Variants in KCNQ2 observed in about 807,000 individuals in gnomAD.
The protein encoded by KCNQ2 is potassium voltage-gated channel subfamily KQT member 2.
KCNQ2 carries 14 observed loss-of-function variants against 84.8 expected under a neutral mutation model. That is an observed-to-expected ratio of 0.17 (90% CI 0.11 to 0.26). KCNQ2 has a LOEUF of 0.26. Among genes scored for constraint, KCNQ2 ranks in the 10% least tolerant of loss-of-function variants. KCNQ2 has a pLI of 1.00. For synonymous variants in KCNQ2, 599 were observed against 554.1 expected, an observed-to-expected ratio of 1.08 and a Z score of -1.14; for missense variants, 788 against 1,254.0, an observed-to-expected ratio of 0.63 and a Z score of 5.61.
intron 11 of KCNQ2, among the ~76,000 whole-genome samples, chr20:63,419,932 T>C (rs1483050474): frequency 6.6e-6 from 1 of 152,212 alleles, no homozygotes; most frequent in Non-Finnish European, 1.5e-5. Flanking sequence ...AGCCACAGTT[T>C]GGGTTCATGT....
At chr20:63,451,274 C>T (rs2081608782) in intron 1 of KCNQ2, among the ~76,000 whole-genome samples, 1 of 152,170 alleles carries the variant, frequency 6.6e-6, no homozygotes, top group South Asian at 2.1e-4. Context: ...CTCACAGTCA[C>T]CTGCAGCAGC....
chr20:63,432,942 C>T (rs534845590), intron 8 of KCNQ2, among the ~76,000 whole-genome samples: 4 of 152,228 alleles, frequency 2.6e-5, no homozygotes, highest in Non-Finnish European at 4.4e-5. Flanking sequence ...GAGCAGGTGA[C>T]GGGGGGCGCG....
chr20:63,439,160 G>GCTGCCCTGCC (rs971546461), intron 6 of KCNQ2, among the ~76,000 whole-genome samples: 14 of 152,314 alleles, frequency 9.2e-5, no homozygotes, highest in African/African-American at 3.4e-4. Context: ...CCGTGCACCA[G>GCTGCCCTGCC]CTGCCCTGCC....
At chr20:63,468,910 ACCTTCCTCTGCCTCAGTTTCCCCAT>A (rs1406582010) in intron 1 of KCNQ2, among the ~76,000 whole-genome samples, 1 of 152,194 alleles carries the variant, frequency 6.6e-6, no homozygotes, top group African/African-American at 2.4e-5. Flanking sequence ...AGCTCACTCA[ACCTTCCTCTGCCTCAGTTTCCCCAT>A]CCACAGGAAC....
chr20:63,420,970 G>A (rs1003882546), intron 11 of KCNQ2, among the ~76,000 whole-genome samples: 1 of 152,060 alleles, frequency 6.6e-6, no homozygotes, highest in African/African-American at 2.4e-5. Flanking sequence ...AGTCTCTCCC[G>A]CTGTGACCAC....
rs189660780 is a variant in KCNQ2, at chr20:63,400,706, G to A, written c.*5938C>T. 934 of 398,594 alleles carry A rather than the reference G, an allele frequency of 2.3e-3. 6 individuals are homozygous for A. Among genetic ancestry groups the A allele is most frequent in the African/African-American group, 0.018 (871 of 48,758 alleles). 24.7% of individuals were successfully genotyped at this position (398,594 alleles called of 1,614,324 possible). A position where few individuals can be genotyped will look rare whatever the true frequency, so the allele number is the denominator to read the frequency against. On this transcript the variant is annotated 3_prime_UTR_variant, in exon 17 of 17. Transcript: ENST00000359125. This position sits in a 1 kb window ranked among gnomAD's most constrained non-coding sequence, Gnocchi z 8.7. ...GCAGACTGCAATGGCGTGGGGCGCGGGCATGGCGGGCACACGTGGGCCGTG... is the reference window on the plus strand; with the variant it reads ...GCAGACTGCAATGGCGTGGGGCGCGAGCATGGCGGGCACACGTGGGCCGTG...
rs555496347 is a variant in KCNQ2, at chr20:63,445,037, G to A, written c.514+201C>T. ...TGGGGCCCAGGATGGGCAGCCCAGC[G>A]CCACATTCCTCTTCCTGACATTTAG... On this transcript the variant is annotated intron_variant, in intron 3 of 16. Transcript: ENST00000359125. 1.5e-4 allele frequency among the ~76,000 whole-genome samples: 23 copies of A among 152,320 alleles called. No individual in the cohort carries two copies. In the East Asian group the frequency reaches 2.3e-3, roughly 15 times the overall value.
At chr20:63,457,377 C>T (rs1292845692) in intron 1 of KCNQ2, among the ~76,000 whole-genome samples, 1 of 152,254 alleles carries the variant, frequency 6.6e-6, no homozygotes, top group African/African-American at 2.4e-5. Context: ...CTCCCAAACA[C>T]TGGGTGCTCA....
intron 11 of KCNQ2, among the ~76,000 whole-genome samples, chr20:63,420,193 C>A (rs1474527566): frequency 6.6e-6 from 1 of 152,252 alleles, no homozygotes; most frequent in African/African-American, 2.4e-5. Context: ...GTGGCTGCCA[C>A]TGCAGGCATG....
At chr20:63,454,282 C>G (rs2081706954) in intron 1 of KCNQ2, among the ~76,000 whole-genome samples, 1 of 152,230 alleles carries the variant, frequency 6.6e-6, no homozygotes. Flanking sequence ...CCGCCGCTGC[C>G]CCTCCTGCCA....
chr20:63,429,591 C>T (rs545175528), intron 9 of KCNQ2, among the ~76,000 whole-genome samples: 1 of 152,346 alleles, frequency 6.6e-6, no homozygotes, highest in East Asian at 1.9e-4. Context: ...CCTCTGCCCA[C>T]CCAGGCTTAC....
At chr20:63,442,674 C>CAT (rs2081206901) in intron 4 of KCNQ2, 143 bp from the exon 5 acceptor site, 1 of 522,882 alleles carries the variant, frequency 1.9e-6, no homozygotes, top group Non-Finnish European at 3.2e-6. Context: ...ACCACCACCA[C>CAT]CACCACCACC....
intron 1 of KCNQ2, among the ~76,000 whole-genome samples, chr20:63,468,314 CAG>C (rs1313706311): frequency 6.6e-6 from 1 of 152,194 alleles, no homozygotes; most frequent in Non-Finnish European, 1.5e-5. Flanking sequence ...GCTCCGTCAG[CAG>C]AGACTGGACC....
At position 63,425,740 on chromosome 20, in the gene KCNQ2, C is replaced by T. The variant is rs1424713657; in HGVS notation, c.1218-1534G>A. On this transcript the variant is annotated intron_variant, in intron 10 of 16. Coordinates refer to ENST00000359125, the MANE Select transcript of KCNQ2 (RefSeq NM_172107.4). The surrounding 1 kb of genome is among the most constrained non-coding windows in gnomAD (Gnocchi z 5.5). Reference sequence around the variant, plus strand: ...GTCTCAGAGAAAAAAAAAAGAAATCCCACCCATTCAAAACGTCCCAAATCC... The same window carrying T: ...GTCTCAGAGAAAAAAAAAAGAAATCTCACCCATTCAAAACGTCCCAAATCC... Among the ~76,000 whole-genome samples the T allele has an allele frequency of 6.6e-6, 1 of 152,016 alleles. No homozygotes were observed. Among genetic ancestry groups the T allele is most frequent in the Admixed American group, 6.6e-5 (1 of 15,240 alleles).
chr20:63,432,747 T>C (rs74483215), intron 8 of KCNQ2, among the ~76,000 whole-genome samples: 2,061 of 72,134 alleles, frequency 0.029, 11 homozygotes, highest in Non-Finnish European at 0.044. Flanking sequence ...CAGGGAAGGC[T>C]CCACCCACAG....
chr20:63,404,346 C>T lies in KCNQ2; in HGVS notation c.*2298G>A, dbSNP rs1416004582. ...GGAGGAAAGAACAGGTGGGGCCACACCTTGGGGGGGGAGGAAAGAGCAGGT... is the reference window on the plus strand; with the variant it reads ...GGAGGAAAGAACAGGTGGGGCCACATCTTGGGGGGGGAGGAAAGAGCAGGT... On this transcript the variant is annotated 3_prime_UTR_variant, in exon 17 of 17. Transcript: ENST00000359125. The T allele has an allele frequency of 7.0e-6, 1 of 143,722 alleles. No homozygotes were observed. The highest frequency in any genetic ancestry group is 1.5e-5 in the Non-Finnish European group (1 of 67,108). The allele number at this position is 143,722 out of a possible 1,614,324, so 8.9% of individuals were successfully genotyped here.
chr20:63,430,623 G>A lies in KCNQ2; in HGVS notation c.1148+717C>T, dbSNP rs1347016132. Among the ~76,000 whole-genome samples, 4 of 152,372 alleles carry A rather than the reference G, an allele frequency of 2.6e-5. No individual in the cohort carries two copies. In the South Asian group the frequency reaches 6.2e-4, roughly 24 times the overall value. On this transcript the variant is annotated intron_variant, in intron 9 of 16. Transcript: ENST00000359125. ...CCGACAGGTAAAGGCCCTTTGTGCT[G>A]TATGGGGGTGAGGCTTCCCATAGCA...
chr20:63,433,584 A>C, intron 8 of KCNQ2: 1 of 821,868 alleles, frequency 1.2e-6, no homozygotes, highest in Non-Finnish European at 1.9e-6. Flanking sequence ...CCAGGACGAT[A>C]AAGCAAAGGG....
chr20:63,461,534 G>A (rs901282470), intron 1 of KCNQ2, among the ~76,000 whole-genome samples: 2 of 152,192 alleles, frequency 1.3e-5, no homozygotes, highest in African/African-American at 2.4e-5. Context: ...ACGAGGAGCC[G>A]CAACTGCAGC....
Sources: allele counts gnomAD v4.1 joint callset (sites outside exome capture counted in the v4.1 genomes callset), GRCh38; gene constraint gnomAD v4.1.1; non-coding constraint Gnocchi (gnomAD v3.1); transcripts MANE v1.5; gene names NCBI Gene and HGNC (gene_info 2026-07-23, HGNC 2026-07-21).